ANKDD1A: variants seen among roughly 807,000 people sequenced by gnomAD.
ANKDD1A encodes ankyrin repeat and death domain-containing protein 1A.
A neutral mutation model predicts 63.5 loss-of-function variants in ANKDD1A; 59 were observed. The ratio of observed to expected loss-of-function variants is 0.93; its 90% CI spans 0.75 to 1.15. ANKDD1A has a LOEUF of 1.15. ANKDD1A is among the 50% of genes most tolerant of loss of function. The pLI is 0.00. For synonymous variants in ANKDD1A, 266 were observed against 263.9 expected (o/e 1.01, Z -0.08); for missense variants, 632 against 656.4 (o/e 0.96, Z 0.41).
intron 14 of ANKDD1A, among the ~76,000 whole-genome samples, chr15:64,953,896 T>G (rs1397236437): frequency 3.1e-5 from 1 of 32,736 alleles, no homozygotes; most frequent in Admixed American, 4.3e-4. Context: ...CTTCCTCTTT[T>G]CTTTCTTCCC....
At chr15:64,948,179 T>A (rs2085238815) in intron 13 of ANKDD1A, among the ~76,000 whole-genome samples, 1 of 152,218 alleles carries the variant, frequency 6.6e-6, no homozygotes, top group Admixed American at 6.5e-5. Context: ...TTAAAAGAGA[T>A]TCCATTTACA....
rs1180865853 is a variant in ANKDD1A, at chr15:64,949,692, G to A, written c.1352-149G>A. 18 of 1,197,820 alleles carry A rather than the reference G, an allele frequency of 1.5e-5. No homozygotes were observed. The East Asian group carries it at 4.7e-4, about 31-fold the overall frequency. 74.2% of individuals were successfully genotyped at this position (1,197,820 alleles called of 1,614,324 possible). A position where few individuals can be genotyped will look rare whatever the true frequency, so the allele number is the denominator to read the frequency against. Reference sequence around the variant, plus strand: ...ACCTATCTCCAGGCTGAGCTTGGCTGGAGCATGGAGAAGGGCCTTGGAGGC... The same window carrying A: ...ACCTATCTCCAGGCTGAGCTTGGCTAGAGCATGGAGAAGGGCCTTGGAGGC... On this transcript the variant is annotated intron_variant, in intron 13 of 14. Coordinates refer to ENST00000319580, the MANE Select transcript of ANKDD1A (RefSeq NM_182703.6).
intron 14 of ANKDD1A, chr15:64,950,524 C>T: frequency 1.0e-6 from 1 of 985,394 alleles, no homozygotes; most frequent in Non-Finnish European, 1.2e-6. Flanking sequence ...ACAAAATCAG[C>T]TCATGATGAA....
chr15:64,929,733 C>T (rs1256110127), intron 6 of ANKDD1A, among the ~76,000 whole-genome samples: 1 of 152,154 alleles, frequency 6.6e-6, no homozygotes, highest in Non-Finnish European at 1.5e-5. Context: ...TGAGTGTTGG[C>T]CATGTACCCC....
In ANKDD1A at chr15:64,915,917, T is replaced by C. The variant is rs757628768; in HGVS notation, c.138+17T>C. ...AGAAACCACGTGCGTAATGAGCTTC[T>C]CTGAATCCAGGCACCTGGGATAGTG... On this transcript the variant is annotated intron_variant, in intron 2 of 14. Transcript: ENST00000319580. The C allele has an allele frequency of 6.2e-7, 1 of 1,610,136 alleles. No individual in the cohort carries two copies. The highest frequency in any genetic ancestry group is 8.5e-7 in the Non-Finnish European group (1 of 1,177,474).
intron 14 of ANKDD1A, among the ~76,000 whole-genome samples, chr15:64,951,990 CTT>C (rs1180276362): frequency 2.1e-5 from 3 of 145,444 alleles, no homozygotes; most frequent in Admixed American, 6.9e-5. Context: ...TCTTATTCTT[CTT>C]TCTTTTCTTT....
chr15:64,955,011 TCCA>T (rs2085404604), intron 14 of ANKDD1A, among the ~76,000 whole-genome samples: 1 of 137,872 alleles, frequency 7.3e-6, no homozygotes, highest in Non-Finnish European at 1.5e-5. Context: ...TCCTTCTTCT[TCCA>T]CTTCTTCTTC....
chr15:64,915,787 C>T lies in ANKDD1A; in HGVS notation c.35-10C>T. On this transcript the variant is annotated splice_polypyrimidine_tract_variant and intron_variant, in intron 1 of 14. Transcript: ENST00000319580. ...TCCCCCTCATCCTGCACCCCATTTT[C>T]TCCCCACAGTGCTTCCTCTGGAGAG... 6.2e-7 allele frequency: 1 copy of T among 1,613,306 alleles called. No individual in the cohort carries two copies. Among genetic ancestry groups the T allele is most frequent in the South Asian group, 1.1e-5 (1 of 91,036 alleles).
chr15:64,914,113 G>T (rs139669199), intron 1 of ANKDD1A: 1 of 151,976 alleles, frequency 6.6e-6, no homozygotes, highest in African/African-American at 2.4e-5. Flanking sequence ...TCAGCCTTCC[G>T]AGTAGCTGGG....
At chr15:64,951,702 C>CGTT (rs2085283218) in intron 14 of ANKDD1A, among the ~76,000 whole-genome samples, 2 of 51,710 alleles carry the variant, frequency 3.9e-5, no homozygotes, top group Non-Finnish European at 9.6e-5. Context: ...TCTTCTTCTT[C>CGTT]CTTATTTTCT....
intron 6 of ANKDD1A, among the ~76,000 whole-genome samples, chr15:64,928,152 G>A (rs1431172002): frequency 1.3e-5 from 2 of 152,236 alleles, no homozygotes; most frequent in Non-Finnish European, 2.9e-5. Context: ...GTGAGACACA[G>A]GTAGAGCTGG....
intron 10 of ANKDD1A, 82 bp from the exon 11 acceptor site, chr15:64,943,402 G>A: frequency 8.9e-7 from 1 of 1,120,960 alleles, no homozygotes; most frequent in Non-Finnish European, 1.4e-6. Flanking sequence ...AAATATACTA[G>A]GATCATTGTG....
At chr15:64,930,960 G>A in intron 7 of ANKDD1A, 40 bp downstream of exon 7, 1 of 1,591,336 alleles carries the variant, frequency 6.3e-7, no homozygotes, top group Non-Finnish European at 8.5e-7. Context: ...CATGACCCTT[G>A]CTTGCTCTCT....
chr15:64,948,649 TCCC>T (rs1213614593), intron 13 of ANKDD1A, among the ~76,000 whole-genome samples: 1 of 151,764 alleles, frequency 6.6e-6, no homozygotes, highest in African/African-American at 2.4e-5. Context: ...ACATGGTGAA[TCCC>T]CCGTCTCTAC....
chr15:64,918,266 A>T (rs1374248236), intron 3 of ANKDD1A, among the ~76,000 whole-genome samples: 1 of 152,246 alleles, frequency 6.6e-6, no homozygotes, highest in Non-Finnish European at 1.5e-5. Context: ...TAAAAATTTT[A>T]AAATAAAAAA....
intron 12 of ANKDD1A, among the ~76,000 whole-genome samples, chr15:64,945,491 TTG>T (rs1283630927): frequency 6.6e-6 from 1 of 151,132 alleles, no homozygotes; most frequent in Admixed American, 6.6e-5. Context: ...AAAACTGGCT[TTG>T]TGTTAGATGA....
chr15:64,928,471 C>T (rs1439951335), intron 6 of ANKDD1A, among the ~76,000 whole-genome samples: 3 of 152,246 alleles, frequency 2.0e-5, no homozygotes, highest in Non-Finnish European at 4.4e-5. Context: ...ATCTTGCAAT[C>T]AGAAATTCTG....
intron 8 of ANKDD1A, chr15:64,931,904 A>C: frequency 2.0e-6 from 1 of 492,822 alleles, no homozygotes; most frequent in Non-Finnish European, 3.6e-6. Flanking sequence ...TTTTTGTTTT[A>C]ATTTTTTTGA....
In ANKDD1A at chr15:64,947,530, A is replaced by T. The variant is rs778153561; in HGVS notation, c.1288A>T (p.Lys430Ter). 6.2e-7 allele frequency: 1 copy of T among 1,613,998 alleles called. No homozygotes were observed. Among genetic ancestry groups the T allele is most frequent in the South Asian group, 1.1e-5 (1 of 91,074 alleles). ...SRYLQPREWK[K>*]LAYSWEFTEA... is the part of the protein sequence containing the mutation. ...GTATCTGCAGCCCCGTGAGTGGAAG[A>T]AGCTGGCATATTCCTGGGAGTTCAC... Residue 430 changes from lysine to a stop codon, truncating the protein, a stop_gained, in exon 13 of 15, where the codon AAG becomes TAG. Coordinates refer to ENST00000319580, the MANE Select transcript of ANKDD1A (RefSeq NM_182703.6). LOFTEE classifies it high-confidence loss of function.
Sources: gnomAD v4.1 joint callset for allele counts (sites outside exome capture counted in the v4.1 genomes callset) on GRCh38, gnomAD v4.1.1 for gene constraint, MANE v1.5 for transcripts, NCBI Gene and HGNC (gene_info 2026-07-23, HGNC 2026-07-21) for gene names.